The following FGF12 variants were observed in gnomAD, a reference collection of about 807,000 sequenced individuals.
The protein encoded by FGF12 is fibroblast growth factor 12B.
Under a neutral mutation model 23.6 loss-of-function variants are expected in FGF12, and 14 were observed. The observed-to-expected ratio is 0.59, with a 90% CI of 0.39 to 0.93. FGF12 has a LOEUF of 0.93. FGF12 is among the 40% of genes least tolerant of loss of function. The pLI is 0.00. For missense variants in FGF12, 175 were observed against 217.8 expected (o/e 0.80, Z 1.24); for synonymous variants, 62 against 77.3 (o/e 0.80, Z 1.04).
At chr3:192,295,798 A>G (rs908911108) in intron 4 of FGF12, among the ~76,000 whole-genome samples, 1 of 152,006 alleles carries the variant, frequency 6.6e-6, no homozygotes, top group South Asian at 2.1e-4. Context: ...TATCACAAAC[A>G]CTCCCATTTT....
At position 192,409,929 on chromosome 3, in the gene FGF12, G is replaced by T. The variant is rs536870699; in HGVS notation, c.14-49391C>A. On this transcript the variant is annotated intron_variant, in intron 2 of 5. Coordinates refer to ENST00000445105, the MANE Select transcript of FGF12 (RefSeq NM_004113.6). The surrounding 1 kb of genome is among the most constrained non-coding windows in gnomAD (Gnocchi z 4.8). ...CCGCCGCCGCGCCGCCGCCTCCCCAGGCCCGGGAGGGGGCGCTCAGGGTGG... is the reference window on the plus strand; with the variant it reads ...CCGCCGCCGCGCCGCCGCCTCCCCATGCCCGGGAGGGGGCGCTCAGGGTGG... Among the ~76,000 whole-genome samples the T allele has an allele frequency of 2.6e-5, 4 of 151,960 alleles. No individual in the cohort carries two copies. The South Asian group carries it at 8.3e-4, about 32-fold the overall frequency.
At chr3:192,660,343 C>G (rs1313357364) in intron 2 of FGF12, among the ~76,000 whole-genome samples, 1 of 122,828 alleles carries the variant, frequency 8.1e-6, no homozygotes, top group Non-Finnish European at 1.6e-5. Context: ...GGGAACATCA[C>G]ACACCAGGGC....
chr3:192,166,009 T>C (rs548223246), intron 5 of FGF12, among the ~76,000 whole-genome samples: 1 of 152,294 alleles, frequency 6.6e-6, no homozygotes, highest in East Asian at 1.9e-4. Context: ...AATAGTAAAT[T>C]GATAAACTGC....
intron 2 of FGF12, among the ~76,000 whole-genome samples, chr3:192,549,070 C>T (rs969002481): frequency 6.6e-6 from 1 of 152,154 alleles, no homozygotes; most frequent in Admixed American, 6.5e-5. Context: ...CTAAACCATA[C>T]CAGGCAAGCT....
At chr3:192,606,832 C>A (rs560545952) in intron 2 of FGF12, among the ~76,000 whole-genome samples, 1 of 152,308 alleles carries the variant, frequency 6.6e-6, no homozygotes, top group South Asian at 2.1e-4. Flanking sequence ...CTGCTCCACA[C>A]CTCCAGTAAA....
At chr3:192,535,278 T>C (rs1375540316) in intron 2 of FGF12, among the ~76,000 whole-genome samples, 1 of 152,198 alleles carries the variant, frequency 6.6e-6, no homozygotes, top group African/African-American at 2.4e-5. Context: ...TTTTTAGCCA[T>C]CCATCCACCT....
intron 2 of FGF12, among the ~76,000 whole-genome samples, chr3:192,372,542 C>T (rs1167032068): frequency 6.6e-6 from 1 of 152,148 alleles, no homozygotes; most frequent in Non-Finnish European, 1.5e-5. Context: ...TAAATTCAGG[C>T]ACCGTGGTGC....
At chr3:192,290,568 A>G (rs1263738243) in intron 4 of FGF12, among the ~76,000 whole-genome samples, 1 of 152,130 alleles carries the variant, frequency 6.6e-6, no homozygotes, top group Non-Finnish European at 1.5e-5. Flanking sequence ...TTTATTAGTC[A>G]TACATGCGAA....
chr3:192,172,934 T>A (rs1214546503), intron 4 of FGF12, among the ~76,000 whole-genome samples: 1 of 151,208 alleles, frequency 6.6e-6, no homozygotes, highest in Admixed American at 6.6e-5. Flanking sequence ...TTCTACAGAA[T>A]GCAACTGTAA....
intron 2 of FGF12, among the ~76,000 whole-genome samples, chr3:192,659,535 AT>A (rs1309838110): frequency 6.6e-6 from 1 of 152,158 alleles, no homozygotes; most frequent in African/African-American, 2.4e-5. Context: ...AGAAAATACA[AT>A]AAGGAAATGG....
intron 2 of FGF12, among the ~76,000 whole-genome samples, chr3:192,529,599 A>G (rs961361237): frequency 2.6e-5 from 4 of 152,126 alleles, no homozygotes; most frequent in Admixed American, 6.5e-5. Context: ...GTCCATTTTT[A>G]TGCTGCTGAT....
chr3:192,231,311 A>G (rs528846938), intron 4 of FGF12, among the ~76,000 whole-genome samples: 1 of 152,286 alleles, frequency 6.6e-6, no homozygotes, highest in African/African-American at 2.4e-5. Flanking sequence ...GCTAAAATTT[A>G]AAAATCAGGA....
At chr3:192,719,762 A>C (rs531231303) in intron 2 of FGF12, among the ~76,000 whole-genome samples, 1 of 148,820 alleles carries the variant, frequency 6.7e-6, no homozygotes, top group South Asian at 2.2e-4. Context: ...CCAATTTATT[A>C]TAATATGTGA....
At chr3:192,689,685 T>C (rs530784803) in intron 2 of FGF12, among the ~76,000 whole-genome samples, 1 of 152,078 alleles carries the variant, frequency 6.6e-6, no homozygotes, top group East Asian at 1.9e-4. Context: ...TCAAGAGAGC[T>C]ATTTTTTGCA....
chr3:192,638,121 T>C (rs145440547), intron 2 of FGF12, among the ~76,000 whole-genome samples: 1 of 152,280 alleles, frequency 6.6e-6, no homozygotes, highest in African/African-American at 2.4e-5. Flanking sequence ...TGTCTATATA[T>C]GTGTGTGTAT....
At chr3:192,259,761 A>C (rs1341909609) in intron 4 of FGF12, among the ~76,000 whole-genome samples, 2 of 152,146 alleles carry the variant, frequency 1.3e-5, no homozygotes, top group South Asian at 2.1e-4. Context: ...TTACCACAAA[A>C]TAGTGGAAAT....
intron 2 of FGF12, among the ~76,000 whole-genome samples, chr3:192,474,577 T>C (rs1723264028): frequency 1.3e-5 from 2 of 152,108 alleles, no homozygotes; most frequent in Non-Finnish European, 2.9e-5. Context: ...ACTGCAGCCA[T>C]GCCCAAAAGG....
chr3:192,618,771 T>TA (rs35422706), intron 2 of FGF12, among the ~76,000 whole-genome samples: 60 of 148,528 alleles, frequency 4.0e-4, no homozygotes, highest in East Asian at 8.0e-4. Context: ...CTTATAATAC[T>TA]AAAAAAAAAA....
chr3:192,331,458 T>C (rs999954997), intron 4 of FGF12, among the ~76,000 whole-genome samples: 4 of 152,034 alleles, frequency 2.6e-5, no homozygotes, highest in Non-Finnish European at 4.4e-5. Flanking sequence ...AGTAGATGAA[T>C]AGATAAACAG....
Sources: allele counts gnomAD v4.1 joint callset (sites outside exome capture counted in the v4.1 genomes callset), GRCh38; gene constraint gnomAD v4.1.1; non-coding constraint Gnocchi (gnomAD v3.1); transcripts MANE v1.5; gene names NCBI Gene and HGNC (gene_info 2026-07-23, HGNC 2026-07-21).